Variants in GLYR1 observed in about 807,000 individuals in gnomAD.
The protein encoded by GLYR1 is cytokine-like nuclear factor N-PAC.
In GLYR1, 21 loss-of-function variants were observed where a neutral mutation model predicts 72.7. That is an observed-to-expected ratio of 0.29 (90% CI 0.20 to 0.42). The LOEUF is 0.42. GLYR1 is among the 10% of genes least tolerant of loss of function. The pLI is 1.00. For missense variants in GLYR1, 594 were observed against 712.1 expected (o/e 0.83, Z 1.89); for synonymous variants, 392 against 270.2 (o/e 1.45, Z -4.42).
rs142293500 is a variant in GLYR1, at chr16:4,845,119, C to T, written c.110G>A (p.Arg37His). Residue 37 changes from arginine (R) to histidine (H), a missense_variant, in exon 3 of 16, where the codon CGC becomes CAC. This residue lies in a region of GLYR1 where 62 missense variants were observed against 82.5 expected (regional missense o/e 0.75). Transcript: ENST00000321919. ...TTTCACAAAGAAGCATTTCTTTCCG[C>T]GAGGTTTCTTCAAGTCCTTTGGTGG... The part of the protein sequence containing the change: ...VNPPKDLKKP[R>H]GKKCFFVKFF... 37 of 1,613,952 alleles carry T rather than the reference C, an allele frequency of 2.3e-5. No homozygotes were observed. The highest frequency in any genetic ancestry group is 1.6e-4 in the Middle Eastern group (1 of 6,084).
chr16:4,844,411 C>A (rs1451583957), intron 3 of GLYR1, among the ~76,000 whole-genome samples: 1 of 152,198 alleles, frequency 6.6e-6, no homozygotes, highest in African/African-American at 2.4e-5. Flanking sequence ...AAAGTTTCCA[C>A]TGTATACCCC....
chr16:4,832,292 G>T (rs1036601152), intron 4 of GLYR1, 71 bp from the exon 5 acceptor site: 1 of 1,574,302 alleles, frequency 6.4e-7, no homozygotes, highest in Non-Finnish European at 8.7e-7. Context: ...TCATTTACAG[G>T]TGCCATGTGC....
At chr16:4,843,743 T>C (rs1033400052) in intron 3 of GLYR1, 12 of 850,262 alleles carry the variant, frequency 1.4e-5, no homozygotes, top group African/African-American at 7.2e-5. Context: ...CAGACATTTT[T>C]TTCAAATCTA....
intron 3 of GLYR1, among the ~76,000 whole-genome samples, chr16:4,834,593 G>C (rs2085016270): frequency 6.6e-6 from 1 of 152,068 alleles, no homozygotes; most frequent in Non-Finnish European, 1.5e-5. Context: ...TATCTCCCGA[G>C]TTGCTGGGAC....
At chr16:4,826,274 T>A (rs2084375029) in intron 5 of GLYR1, among the ~76,000 whole-genome samples, 1 of 152,210 alleles carries the variant, frequency 6.6e-6, no homozygotes. Flanking sequence ...TTTTCTGTAA[T>A]TTCTAATTTT....
chr16:4,806,138 G>C (rs577217012), intron 15 of GLYR1, among the ~76,000 whole-genome samples: 40 of 152,304 alleles, frequency 2.6e-4, no homozygotes, highest in Admixed American at 2.2e-3. Context: ...AATATCTGGA[G>C]ACATTTTCTG....
At chr16:4,814,505 G>C (rs373631537) in intron 11 of GLYR1, 32 bp downstream of exon 11, 1 of 1,523,592 alleles carries the variant, frequency 6.6e-7, no homozygotes, top group African/African-American at 1.4e-5. Context: ...GCTGTGACCC[G>C]GAGTTGCTGA....
Position 4,834,377 on chromosome 16 carries a change from G to A in GLYR1, c.156-1465C>T, listed in dbSNP as rs148968969. Among the ~76,000 whole-genome samples the A allele has an allele frequency of 1.6e-4, 24 of 145,590 alleles. No homozygotes were observed. In the East Asian group the frequency reaches 4.0e-3, roughly 24 times the overall value. On this transcript the variant is annotated intron_variant, in intron 3 of 15. Transcript: ENST00000321919. ...GTGCAATGGGGCGATGTTGGCTCAC[G>A]GCAACCTCGCCTCCTAGGTTCAAGT...
chr16:4,822,971 C>T (rs1258538170), intron 6 of GLYR1, 40 bp from the exon 7 acceptor site: 4 of 1,529,004 alleles, frequency 2.6e-6, no homozygotes, highest in South Asian at 1.1e-5. Flanking sequence ...AGTTATCTGC[C>T]ACCAAAGGTC....
chr16:4,835,288 C>A (rs1366828421), intron 3 of GLYR1, among the ~76,000 whole-genome samples: 1 of 152,032 alleles, frequency 6.6e-6, no homozygotes, highest in Non-Finnish European at 1.5e-5. Context: ...AGGAATCAAC[C>A]CCATTTTTTG....
intron 4 of GLYR1, 139 bp from the exon 5 acceptor site, chr16:4,832,360 C>T (rs577785301): frequency 2.1e-5 from 22 of 1,040,854 alleles, no homozygotes; most frequent in African/African-American, 6.4e-5. Context: ...ATTCTGCTGT[C>T]GTCCCAGACA....
intron 1 of GLYR1, 52 bp downstream of exon 1, chr16:4,847,176 C>G (rs2086209866): frequency 2.6e-6 from 4 of 1,540,632 alleles, no homozygotes; most frequent in South Asian, 1.2e-5. Flanking sequence ...ACCCCGCGCC[C>G]AGGCGGGTAG....
At chr16:4,844,854 C>G (rs1373155962) in intron 3 of GLYR1, among the ~76,000 whole-genome samples, 1 of 152,192 alleles carries the variant, frequency 6.6e-6, no homozygotes, top group African/African-American at 2.4e-5. Context: ...GTAAATGAAC[C>G]TAGTTCTTGC....
intron 5 of GLYR1, 83 bp downstream of exon 5, chr16:4,831,896 T>G: frequency 6.6e-7 from 1 of 1,524,704 alleles, no homozygotes; most frequent in East Asian, 2.3e-5. Flanking sequence ...ATAAGCATAC[T>G]ACATAAGCAT....
At position 4,814,569 on chromosome 16, in the gene GLYR1, C is replaced by T. The variant is rs749630256; in HGVS notation, c.985G>A (p.Ala329Thr). 11 of 1,613,824 alleles carry T rather than the reference C, an allele frequency of 6.8e-6. No homozygotes were observed. Among genetic ancestry groups the T allele is most frequent in the African/African-American group, 4.0e-5 (3 of 74,906 alleles). Residue 329 changes from alanine (A) to threonine (T), a missense_variant, in exon 11 of 16, where the codon GCC becomes ACC. By Grantham distance (58) the Ala-to-Thr change is moderately conservative. This residue lies in a region of GLYR1 where 266 missense variants were observed against 358.4 expected (regional missense o/e 0.74). Coordinates refer to ENST00000321919, the MANE Select transcript of GLYR1 (RefSeq NM_032569.4). Reference protein sequence around the residue: ...EVVSTCDITFACVSDPKAAKD... With the variant: ...EVVSTCDITFTCVSDPKAAKD... Reference sequence around the variant, plus strand: ...GCCGCCTTGGGATCCGACACGCAGGCGAAAGTGATGTCGCAGGTTGAGACG... The same window carrying T: ...GCCGCCTTGGGATCCGACACGCAGGTGAAAGTGATGTCGCAGGTTGAGACG...
At chr16:4,832,448 A>C (rs2084860939) in intron 4 of GLYR1, 2 of 611,870 alleles carry the variant, frequency 3.3e-6, no homozygotes, top group African/African-American at 3.7e-5. Context: ...AAAGGATTTA[A>C]ATCTAGGCAG....
At chr16:4,830,126 T>C (rs980511510) in intron 5 of GLYR1, among the ~76,000 whole-genome samples, 1 of 151,824 alleles carries the variant, frequency 6.6e-6, no homozygotes, top group African/African-American at 2.4e-5. Context: ...TTTGTAGAGC[T>C]AGTCTTCAAC....
chr16:4,846,669 AC>A (rs2086112547), intron 1 of GLYR1: 2 of 241,844 alleles, frequency 8.3e-6, no homozygotes, highest in South Asian at 1.0e-4. Flanking sequence ...ACAGAAGCAG[AC>A]CGCGGGAGGC....
chr16:4,828,467 G>A (rs2084572662), intron 5 of GLYR1, among the ~76,000 whole-genome samples: 1 of 152,112 alleles, frequency 6.6e-6, no homozygotes, highest in Admixed American at 6.5e-5. Context: ...CAAGACGTTT[G>A]TGTGACCTGC....
Sources: allele counts gnomAD v4.1 joint callset (sites outside exome capture counted in the v4.1 genomes callset), GRCh38; gene constraint gnomAD v4.1.1; regional missense constraint gnomAD v4.1.1; transcripts MANE v1.5; gene names NCBI Gene and HGNC (gene_info 2026-07-23, HGNC 2026-07-21).